Variants in ATG4B observed in about 807,000 individuals in gnomAD.
The protein encoded by ATG4B is autophagy related 4B cysteine peptidase, also known as cysteine protease ATG4B.
ATG4B carries 29 observed loss-of-function variants against 56.6 expected under a neutral mutation model. That is an observed-to-expected ratio of 0.51 (90% CI 0.38 to 0.70). The LOEUF is 0.70. ATG4B is among the 30% of genes least tolerant of loss of function. The pLI, the probability that ATG4B is intolerant of heterozygous loss-of-function variation, is 0.00. For missense variants in ATG4B, 461 were observed against 515.5 expected, an observed-to-expected ratio of 0.89 and a Z score of 1.02; for synonymous variants, 224 against 206.1, an observed-to-expected ratio of 1.09 and a Z score of -0.74.
At chr2:241,670,232 G>T (rs76692745) in intron 10 of ATG4B, among the ~76,000 whole-genome samples, 2 of 152,042 alleles carry the variant, frequency 1.3e-5, no homozygotes, top group East Asian at 1.9e-4. Flanking sequence ...TGTGATTGCC[G>T]GTGACCCTTG....
At chr2:241,670,432 TC>T (rs1283591337) in intron 10 of ATG4B, 1 of 475,230 alleles carries the variant, frequency 2.1e-6, no homozygotes, top group East Asian at 3.9e-5. Context: ...CCTGCCCCAA[TC>T]CCGGAACACT....
At chr2:241,662,482 TGGTG>T (rs1469249028) in intron 7 of ATG4B, among the ~76,000 whole-genome samples, 2 of 152,102 alleles carry the variant, frequency 1.3e-5, no homozygotes, top group East Asian at 3.9e-4. Context: ...AAATTTCAGG[TGGTG>T]GCAGGAATAG....
intron 7 of ATG4B, 197 bp downstream of exon 7, chr2:241,659,384 GGAGAGCC>G: frequency 1.5e-6 from 1 of 664,576 alleles, no homozygotes; most frequent in Non-Finnish European, 2.8e-6. Flanking sequence ...TACCAAGAGA[GGAGAGCC>G]CAGGCTGTCT....
At chr2:241,657,173 C>T (rs1279238529) in intron 6 of ATG4B, among the ~76,000 whole-genome samples, 1 of 149,722 alleles carries the variant, frequency 6.7e-6, no homozygotes, top group Non-Finnish European at 1.5e-5. Flanking sequence ...GATGGGGTTT[C>T]ACCATGTTGG....
intron 1 of ATG4B, among the ~76,000 whole-genome samples, chr2:241,639,044 A>G (rs1228750690): frequency 2.6e-5 from 4 of 152,122 alleles, no homozygotes; most frequent in African/African-American, 9.7e-5. Context: ...TACTTGGTCC[A>G]CCGGTGGGCA....
At chr2:241,667,301 C>T (rs2068808663) in intron 8 of ATG4B, among the ~76,000 whole-genome samples, 1 of 152,086 alleles carries the variant, frequency 6.6e-6, no homozygotes, top group Non-Finnish European at 1.5e-5. Context: ...CACAGGCTCC[C>T]CCATGTCATG....
chr2:241,644,801 T>C (rs1045065303), intron 1 of ATG4B, among the ~76,000 whole-genome samples: 2 of 151,586 alleles, frequency 1.3e-5, no homozygotes, highest in Non-Finnish European at 2.9e-5. Context: ...AATACAAAAT[T>C]AGCCAGGCGT....
intron 8 of ATG4B, among the ~76,000 whole-genome samples, chr2:241,667,420 A>G (rs945075668): frequency 6.6e-5 from 10 of 152,114 alleles, no homozygotes; most frequent in Admixed American, 4.6e-4. Context: ...CCTGGCCAAC[A>G]TGGTGAAACC....
intron 12 of ATG4B, 51 bp downstream of exon 12, chr2:241,671,456 C>T: frequency 6.2e-7 from 1 of 1,600,214 alleles, no homozygotes; most frequent in South Asian, 1.1e-5. Context: ...GATCTGTGCC[C>T]TTGCTTCCCC....
chr2:241,646,262 C>T (rs902693190), intron 1 of ATG4B, among the ~76,000 whole-genome samples: 3 of 152,236 alleles, frequency 2.0e-5, no homozygotes, highest in Non-Finnish European at 4.4e-5. Flanking sequence ...GGCCTCGTGA[C>T]CCTGCTTTCA....
At chr2:241,642,506 C>G (rs28641966) in intron 1 of ATG4B, among the ~76,000 whole-genome samples, 1 of 151,786 alleles carries the variant, frequency 6.6e-6, no homozygotes, top group African/African-American at 2.4e-5. Context: ...AAAATAACTT[C>G]TAAGTGTTTT....
At chr2:241,661,605 G>A (rs1375457485) in intron 7 of ATG4B, among the ~76,000 whole-genome samples, 1 of 152,204 alleles carries the variant, frequency 6.6e-6, no homozygotes, top group Non-Finnish European at 1.5e-5. Context: ...AGTTAGATAG[G>A]AGAAGACTGA....
chr2:241,655,531 A>T (rs2068371264), intron 6 of ATG4B, 188 bp downstream of exon 6: 8 of 626,508 alleles, frequency 1.3e-5, no homozygotes, highest in Non-Finnish European at 2.2e-5. Context: ...TTTCTAACAA[A>T]ATGAACACCG....
At chr2:241,660,176 G>A (rs1264169426) in intron 7 of ATG4B, among the ~76,000 whole-genome samples, 1 of 152,144 alleles carries the variant, frequency 6.6e-6, no homozygotes. Context: ...GCCACAGAGC[G>A]AGAATCCGTC....
intron 7 of ATG4B, among the ~76,000 whole-genome samples, chr2:241,661,743 A>G (rs2068599944): frequency 6.6e-6 from 1 of 152,078 alleles, no homozygotes; most frequent in Non-Finnish European, 1.5e-5. Flanking sequence ...GTCCCCATCC[A>G]CCAACCCATC....
intron 6 of ATG4B, among the ~76,000 whole-genome samples, chr2:241,657,118 G>C (rs1338533625): frequency 6.6e-6 from 1 of 151,112 alleles, no homozygotes; most frequent in African/African-American, 2.4e-5. Flanking sequence ...TGGAATTACA[G>C]GCACCCGCCA....
chr2:241,659,487 C>T (rs1282815047), intron 7 of ATG4B: 9 of 424,866 alleles, frequency 2.1e-5, no homozygotes, highest in African/African-American at 1.0e-4. Flanking sequence ...TAGGCGCCCT[C>T]GTGTGGGAAT....
chr2:241,649,784 CTTTTTTT>C (rs111624909), intron 1 of ATG4B, among the ~76,000 whole-genome samples: 12 of 137,512 alleles, frequency 8.7e-5, no homozygotes, highest in Non-Finnish European at 1.6e-4. Flanking sequence ...TTTTCTTTTT[CTTTTTTT>C]TTTTTTTTTG....
In ATG4B at chr2:241,670,893, C is replaced by T. The variant is rs529198611; in HGVS notation, c.1014+111C>T. On this transcript the variant is annotated intron_variant, in intron 11 of 12. Coordinates refer to ENST00000404914, the MANE Select transcript of ATG4B (RefSeq NM_013325.5). Reference sequence around the variant, plus strand: ...CAGGTCTCAGGCAGCCTCACTGGGCCGTGGGGAGCTTTGTCCCGCCTGGCA... The same window carrying T: ...CAGGTCTCAGGCAGCCTCACTGGGCTGTGGGGAGCTTTGTCCCGCCTGGCA... The T allele has an allele frequency of 2.6e-5, 30 of 1,163,966 alleles. No individual in the cohort carries two copies. The African/African-American group carries it at 3.2e-4, about 12-fold the overall frequency. 72.1% of individuals were successfully genotyped at this position (1,163,966 alleles called of 1,614,324 possible).
Sources: gnomAD v4.1 joint callset for allele counts (sites outside exome capture counted in the v4.1 genomes callset) on GRCh38, gnomAD v4.1.1 for gene constraint, MANE v1.5 for transcripts, NCBI Gene and HGNC (gene_info 2026-07-23, HGNC 2026-07-21) for gene names.